Variants in SOX5 observed in about 807,000 individuals in gnomAD.
The protein encoded by SOX5 is SRY-box transcription factor 5.
In SOX5, 9 loss-of-function variants were observed where a neutral mutation model predicts 92.0. The observed-to-expected ratio is 0.10, with a 90% CI of 0.06 to 0.17. The LOEUF (loss-of-function observed/expected upper bound fraction) is 0.17, where lower values mean the gene tolerates loss of function less well. Among genes scored for constraint, SOX5 ranks in the 10% least tolerant of loss-of-function variants. The pLI, the probability that SOX5 is intolerant of heterozygous loss-of-function variation, is 1.00. For missense variants in SOX5, 642 were observed against 944.5 expected (o/e 0.68, Z 4.20); for synonymous variants, 344 against 336.3 (o/e 1.02, Z -0.25).
intron 1 of SOX5, among the ~76,000 whole-genome samples, chr12:23,927,038 T>C (rs1046628233): frequency 5.3e-5 from 8 of 152,122 alleles, no homozygotes; most frequent in Admixed American, 2.0e-4. Flanking sequence ...TTTTAAAAAT[T>C]AGAACAACCA....
chr12:24,189,188 A>C (rs1343096676), intron 4 of SOX5, among the ~76,000 whole-genome samples: 1 of 152,200 alleles, frequency 6.6e-6, no homozygotes, highest in African/African-American at 2.4e-5. Flanking sequence ...ATTCAAGTAC[A>C]GGCACTCAGC....
chr12:23,891,568 A>G (rs2097129966), intron 2 of SOX5, among the ~76,000 whole-genome samples: 1 of 151,572 alleles, frequency 6.6e-6, no homozygotes, highest in Non-Finnish European at 1.5e-5. Context: ...AGAATGGAGT[A>G]TGAATGTCAC....
At chr12:24,349,205 C>T (rs934550170) in intron 2 of SOX5, among the ~76,000 whole-genome samples, 1 of 152,176 alleles carries the variant, frequency 6.6e-6, no homozygotes, top group African/African-American at 2.4e-5. Flanking sequence ...CTTTGCTAAA[C>T]AATTCATCTA....
rs775260218 is a variant in SOX5 at position 24,262,001 on chromosome 12, C to T, written c.-77+15215G>A. Among the ~76,000 whole-genome samples the T allele has an allele frequency of 2.6e-5, 4 of 152,162 alleles. No homozygotes were observed. In the South Asian group the frequency reaches 6.2e-4, roughly 24 times the overall value. ...CCATAAATGTTTATATCGTTGGCTACGGAGACTTCAAATTTGGCACCATTT... is the reference window on the plus strand; with the variant it reads ...CCATAAATGTTTATATCGTTGGCTATGGAGACTTCAAATTTGGCACCATTT... On this transcript the variant is annotated intron_variant, in intron 3 of 4. Coordinates refer to the SOX5 transcript ENST00000446891.
At chr12:23,999,894 C>G (rs1951434041) in intron 4 of SOX5, among the ~76,000 whole-genome samples, 1 of 151,584 alleles carries the variant, frequency 6.6e-6, no homozygotes, top group Non-Finnish European at 1.5e-5. Flanking sequence ...GTCCTTTGGT[C>G]TAAAAGAAAA....
intron 5 of SOX5, among the ~76,000 whole-genome samples, chr12:23,736,662 A>T (rs1382954106): frequency 1.4e-5 from 2 of 138,296 alleles, no homozygotes; most frequent in Non-Finnish European, 3.0e-5. Context: ...GGAATATGGT[A>T]AAAAAAAAAC....
chr12:23,819,367 G>A (rs753790951), intron 3 of SOX5, among the ~76,000 whole-genome samples: 5 of 152,052 alleles, frequency 3.3e-5, no homozygotes. Flanking sequence ...ACTTGTTCTA[G>A]GAAAATATGT....
intron 7 of SOX5, among the ~76,000 whole-genome samples, chr12:23,652,003 A>C (rs1027595480): frequency 6.6e-6 from 1 of 152,046 alleles, no homozygotes; most frequent in African/African-American, 2.4e-5. Context: ...ATCCTAAAAA[A>C]AATGAACTAT....
intron 2 of SOX5, among the ~76,000 whole-genome samples, chr12:24,344,540 A>G (rs1198924048): frequency 2.0e-5 from 3 of 152,044 alleles, no homozygotes; most frequent in Admixed American, 1.3e-4. Context: ...TGACAACACA[A>G]AGCCACAGAG....
At chr12:23,790,231 ATTAT>A (rs573159641) in intron 3 of SOX5, among the ~76,000 whole-genome samples, 1 of 152,130 alleles carries the variant, frequency 6.6e-6, no homozygotes, top group Non-Finnish European at 1.5e-5. Context: ...AGAAGACATT[ATTAT>A]TTCTCTTCAT....
chr12:23,860,968 A>C lies in SOX5; in HGVS notation c.271-14775T>G, dbSNP rs28723414. On this transcript the variant is annotated intron_variant, in intron 2 of 14. Coordinates refer to ENST00000451604, the MANE Select transcript of SOX5 (RefSeq NM_006940.6). Reference sequence around the variant, plus strand: ...TATATTTTGTAAAAAAAAAAAAAAAAAAAAAAAAAACCCTGCCAACATAGA... The same window carrying C: ...TATATTTTGTAAAAAAAAAAAAAAACAAAAAAAAAACCCTGCCAACATAGA... 7.2e-4 allele frequency among the ~76,000 whole-genome samples: 90 copies of C among 125,856 alleles called. 1 individual carries two copies. The highest frequency in any genetic ancestry group is 3.8e-3 in the Admixed American group (51 of 13,304). 82.6% of individuals were successfully genotyped at this position (125,856 alleles called of 152,430 possible). A position where few individuals can be genotyped will look rare whatever the true frequency, so the allele number is the denominator to read the frequency against.
intron 1 of SOX5, among the ~76,000 whole-genome samples, chr12:24,399,009 CTTAAT>C (rs1182128244): frequency 6.6e-6 from 1 of 152,134 alleles, no homozygotes; most frequent in Non-Finnish European, 1.5e-5. Context: ...ATAGAACCCA[CTTAAT>C]TTTAGACCAC....
chr12:23,742,226 A>G (rs1413569479), intron 4 of SOX5, among the ~76,000 whole-genome samples: 1 of 152,212 alleles, frequency 6.6e-6, no homozygotes, highest in Admixed American at 6.5e-5. Flanking sequence ...AGCTATAGTT[A>G]GTAGCTTATA....
intron 4 of SOX5, among the ~76,000 whole-genome samples, chr12:24,156,367 C>T (rs1952172827): frequency 6.6e-6 from 1 of 152,118 alleles, no homozygotes; most frequent in African/African-American, 2.4e-5. Flanking sequence ...CCTGGGAGCA[C>T]TTCCTTAATA....
At chr12:23,584,374 A>G (rs1415097671) in intron 9 of SOX5, among the ~76,000 whole-genome samples, 1 of 152,116 alleles carries the variant, frequency 6.6e-6, no homozygotes, top group African/African-American at 2.4e-5. Flanking sequence ...TCTCTGAGAG[A>G]TTTATGTTTT....
intron 1 of SOX5, among the ~76,000 whole-genome samples, chr12:24,372,244 C>G (rs915200162): frequency 6.6e-6 from 1 of 152,106 alleles, no homozygotes; most frequent in African/African-American, 2.4e-5. Context: ...ATCAACCCAT[C>G]ATCTACATTA....
chr12:23,575,596 T>G, intron 10 of SOX5, 65 bp downstream of exon 10: 1 of 1,492,282 alleles, frequency 6.7e-7, no homozygotes, highest in Non-Finnish European at 9.3e-7. Context: ...ATGTGCCATT[T>G]AAAGATGATT....
intron 2 of SOX5, among the ~76,000 whole-genome samples, chr12:23,847,571 A>T (rs2096588494): frequency 6.6e-6 from 1 of 152,132 alleles, no homozygotes; most frequent in African/African-American, 2.4e-5. Flanking sequence ...TAATCTGTTA[A>T]TATGTTTTTT....
intron 4 of SOX5, among the ~76,000 whole-genome samples, chr12:23,991,916 A>T (rs191960658): frequency 6.6e-6 from 1 of 152,262 alleles, no homozygotes; most frequent in Non-Finnish European, 1.5e-5. Flanking sequence ...ATTTCCAGGT[A>T]TCTCTTGTTA....
Sources: allele counts gnomAD v4.1 joint callset (sites outside exome capture counted in the v4.1 genomes callset), GRCh38; gene constraint gnomAD v4.1.1; transcripts MANE v1.5; gene names NCBI Gene and HGNC (gene_info 2026-07-23, HGNC 2026-07-21).